The following WDR20 variants were observed in gnomAD, a reference collection of about 807,000 sequenced individuals.
WDR20 encodes the protein WD repeat domain 20, also known as WD repeat-containing protein 20.
Under a neutral mutation model 38.7 loss-of-function variants are expected in WDR20, and 3 were observed. That is an observed-to-expected ratio of 0.08 (90% CI 0.04 to 0.20). WDR20 has a LOEUF of 0.20. Ranked by LOEUF, WDR20 falls within the 10% of genes least tolerant of loss-of-function variation. WDR20 has a pLI of 1.00. For synonymous variants in WDR20, 298 were observed against 285.6 expected, an observed-to-expected ratio of 1.04 and a Z score of -0.44; for missense variants, 559 against 727.7, an observed-to-expected ratio of 0.77 and a Z score of 2.67.
intron 1 of WDR20, among the ~76,000 whole-genome samples, chr14:102,182,895 TATATACAGGTGGTGCATACCTGTA>T (rs546126948): frequency 1.3e-4 from 20 of 152,106 alleles, no homozygotes; most frequent in African/African-American, 1.9e-4. Flanking sequence ...AAAATACATA[TATATACAGGTGGTGCATACCTGTA>T]ATATACAGGT....
chr14:102,213,570 TG>T (rs1951980188), downstream of WDR20: 1 of 985,230 alleles, frequency 1.0e-6, no homozygotes, highest in Non-Finnish European at 1.2e-6. Flanking sequence ...AGTGACAGGA[TG>T]GGATTTTAGG....
downstream of WDR20, among the ~76,000 whole-genome samples, chr14:102,216,667 T>C (rs1223648448): frequency 2.0e-5 from 3 of 152,198 alleles, no homozygotes; most frequent in African/African-American, 7.2e-5. Context: ...TGGTGGCTCA[T>C]GCCTGTAATC....
chr14:102,210,920 G>A (rs185354945), downstream of WDR20, among the ~76,000 whole-genome samples: 4 of 152,258 alleles, frequency 2.6e-5, no homozygotes, highest in African/African-American at 9.6e-5. Context: ...GTTCTTGGAT[G>A]GCAGCTGTGG....
chr14:102,139,632 C>A, upstream of WDR20: 1 of 644,484 alleles, frequency 1.6e-6, no homozygotes, highest in Non-Finnish European at 2.6e-6. Context: ...CTAGACCCCA[C>A]TAGCTGAAGC....
intron 1 of WDR20, among the ~76,000 whole-genome samples, chr14:102,150,090 A>G (rs947861252): frequency 6.6e-6 from 1 of 152,230 alleles, no homozygotes; most frequent in Admixed American, 6.5e-5. Flanking sequence ...CTTTGTATCA[A>G]TAGGAAAATA....
rs1449612232 is a variant in WDR20, at chr14:102,208,870, T to TAA, written c.700_701insAA (p.Phe234Ter). ...GTTTGCTTTCTCCCCAGATGGCAAGTTCTTAGCGTGCGTGAGCCAGGACGG... is the reference window on the plus strand; with the variant it reads ...GTTTGCTTTCTCCCCAGATGGCAAGTAATCTTAGCGTGCGTGAGCCAGGACGG... ...NEFAFSPDGK[F>*]LACVSQDGFL... The change falls in exon 3 of 3, where the codon TTC (phenylalanine) becomes TAATC (stop). Residue 234 changes from phenylalanine to a stop codon, truncating the protein, a stop_gained and frameshift_variant. Transcript: ENST00000342702. LOFTEE classifies it high-confidence loss of function. The surrounding 1 kb of genome is among the most constrained non-coding windows in gnomAD (Gnocchi z 5.6). 6.2e-7 allele frequency: 1 copy of TAA among 1,614,228 alleles called. No individual in the cohort carries two copies. Among genetic ancestry groups the TAA allele is most frequent in the Non-Finnish European group, 8.5e-7 (1 of 1,180,028 alleles).
upstream of WDR20, chr14:102,139,586 G>A: frequency 1.4e-6 from 1 of 697,042 alleles, no homozygotes; most frequent in Non-Finnish European, 2.3e-6. Context: ...CCCCTGACCG[G>A]CTTTCCGCTG....
Position 102,207,234 on chromosome 14 carries a change from C to T in WDR20, c.433-1369C>T, listed in dbSNP as rs192052737. Among the ~76,000 whole-genome samples, 9 of 152,380 alleles carry T rather than the reference C, an allele frequency of 5.9e-5. No individual in the cohort carries two copies. The East Asian group carries it at 7.7e-4, about 13-fold the overall frequency. ...GCATGCTGTGTGGCGTTCAGGCCTCCGTTCTTCCTGCCTGGGGTCCTTTGT... is the reference window on the plus strand; with the variant it reads ...GCATGCTGTGTGGCGTTCAGGCCTCTGTTCTTCCTGCCTGGGGTCCTTTGT... On this transcript the variant is annotated intron_variant, in intron 2 of 2. Coordinates refer to ENST00000342702, the MANE Select transcript of WDR20 (RefSeq NM_144574.4). The surrounding 1 kb of genome is among the most constrained non-coding windows in gnomAD (Gnocchi z 5.0).
chr14:102,163,871 G>A (rs894965325), intron 1 of WDR20, among the ~76,000 whole-genome samples: 2 of 152,082 alleles, frequency 1.3e-5, no homozygotes, highest in Non-Finnish European at 2.9e-5. Context: ...TGGCTTTGCT[G>A]CTGTCTCTAC....
intron 2 of WDR20, among the ~76,000 whole-genome samples, chr14:102,203,552 C>T: frequency 6.6e-6 from 1 of 152,138 alleles, no homozygotes; most frequent in East Asian, 1.9e-4. Flanking sequence ...CCAAATTCCC[C>T]TCCCAGCTCA....
intron 1 of WDR20, among the ~76,000 whole-genome samples, chr14:102,176,500 T>C (rs112004053): frequency 5.3e-5 from 8 of 152,010 alleles, no homozygotes; most frequent in South Asian, 2.1e-4. Flanking sequence ...AAATCGAGAC[T>C]ATCCTGGCTA....
Position 102,170,623 on chromosome 14 carries a change from T to TAA in WDR20, c.250-24303_250-24302dup, listed in dbSNP as rs34007594. On this transcript the variant is annotated intron_variant, in intron 1 of 2. Transcript: ENST00000342702. ...GCTTTTCTACTAGGATTCTGGTCTT[T>TAA]AAAAAAAAAAAAATTAAGTTGGTAG... 7.7e-3 allele frequency among the ~76,000 whole-genome samples: 1,124 copies of TAA among 146,812 alleles called. 16 individuals are homozygous for TAA. The highest frequency in any genetic ancestry group is 0.026 in the African/African-American group (1,047 of 40,242).
chr14:102,188,563 GTAT>G (rs1475951657), intron 1 of WDR20, among the ~76,000 whole-genome samples: 6 of 152,032 alleles, frequency 3.9e-5, no homozygotes, highest in Non-Finnish European at 8.8e-5. Flanking sequence ...AATTTCAGTA[GTAT>G]TGTTCCAGAA....
At chr14:102,214,017 C>T (rs1426961294), downstream of WDR20, 11 of 985,396 alleles carry the variant, frequency 1.1e-5, no homozygotes, top group Non-Finnish European at 1.3e-5. Context: ...GATCCGGTGG[C>T]CCTGCCCTGC....
intron 1 of WDR20, among the ~76,000 whole-genome samples, chr14:102,169,783 C>T (rs1221440354): frequency 6.6e-6 from 1 of 152,208 alleles, no homozygotes; most frequent in East Asian, 1.9e-4. Context: ...CCGACTCGGC[C>T]TCCCAAAGTG....
downstream of WDR20, among the ~76,000 whole-genome samples, chr14:102,211,719 G>A (rs2062563527): frequency 6.6e-6 from 1 of 152,186 alleles, no homozygotes; most frequent in Admixed American, 6.5e-5. This position sits in a 1 kb window ranked among gnomAD's most constrained non-coding sequence, Gnocchi z 4.2. Context: ...TGGGTCATGT[G>A]GAGAGATTAG....
intron 1 of WDR20, among the ~76,000 whole-genome samples, chr14:102,156,184 T>C (rs1484785336): frequency 4.6e-5 from 7 of 151,674 alleles, no homozygotes; most frequent in Non-Finnish European, 1.0e-4. Context: ...TTTTTTTTTT[T>C]TGAGACGGAG....
chr14:102,183,405 T>C (rs2063833717), intron 1 of WDR20, among the ~76,000 whole-genome samples: 1 of 152,242 alleles, frequency 6.6e-6, no homozygotes, highest in South Asian at 2.1e-4. Flanking sequence ...TTTAATGTTC[T>C]CTCACTCTAG....
intron 1 of WDR20, among the ~76,000 whole-genome samples, chr14:102,186,614 A>G (rs919088496): frequency 6.6e-5 from 10 of 152,026 alleles, no homozygotes; most frequent in South Asian, 4.2e-4. Flanking sequence ...TGGACTAATC[A>G]ATCCCTAACA....
Sources: gnomAD v4.1 joint callset for allele counts (sites outside exome capture counted in the v4.1 genomes callset) on GRCh38, gnomAD v4.1.1 for gene constraint, Gnocchi (gnomAD v3.1) non-coding constraint, MANE v1.5 for transcripts, NCBI Gene and HGNC (gene_info 2026-07-23, HGNC 2026-07-21) for gene names.